PACRG: variants seen among roughly 807,000 people sequenced by gnomAD.
PACRG encodes parkin coregulated gene protein.
A neutral mutation model predicts 29.7 loss-of-function variants in PACRG; 29 were observed. That is an observed-to-expected ratio of 0.98 (90% confidence interval 0.73 to 1.33). The LOEUF is 1.33. Among genes scored for constraint, PACRG ranks in the 40% most tolerant of loss-of-function variants. The pLI is 0.00. For synonymous variants in PACRG, 116 were observed against 118.7 expected (o/e 0.98, Z 0.15); for missense variants, 279 against 316.2 (o/e 0.88, Z 0.89).
At chr6:162,760,874 T>C (rs568687100) in intron 1 of PACRG, among the ~76,000 whole-genome samples, 1 of 152,156 alleles carries the variant, frequency 6.6e-6, no homozygotes, top group African/African-American at 2.4e-5. Context: ...GTTAGGAGGA[T>C]TTTTGCAGTG....
chr6:163,242,102 G>A (rs1010086159), intron 4 of PACRG, among the ~76,000 whole-genome samples: 2 of 152,130 alleles, frequency 1.3e-5, no homozygotes, highest in Non-Finnish European at 2.9e-5. Flanking sequence ...GCTATAATTT[G>A]TTACTGTTTT....
chr6:162,939,114 T>TA (rs1798438815), intron 2 of PACRG, among the ~76,000 whole-genome samples: 1 of 152,200 alleles, frequency 6.6e-6, no homozygotes, highest in Admixed American at 6.5e-5. Flanking sequence ...TCTGAATACT[T>TA]ACAGCCAACT....
chr6:163,253,657 G>A (rs1311749153), intron 4 of PACRG, among the ~76,000 whole-genome samples: 1 of 152,110 alleles, frequency 6.6e-6, no homozygotes, highest in African/African-American at 2.4e-5. Flanking sequence ...CCATCACCTG[G>A]CCCAAAAACT....
chr6:162,855,530 G>C (rs986529501), intron 2 of PACRG, among the ~76,000 whole-genome samples: 1 of 152,134 alleles, frequency 6.6e-6, no homozygotes, highest in African/African-American at 2.4e-5. Flanking sequence ...AAGAAATACA[G>C]AGTGAGGGAC....
chr6:163,142,973 G>A (rs774983723), intron 4 of PACRG, among the ~76,000 whole-genome samples: 2 of 152,192 alleles, frequency 1.3e-5, no homozygotes, highest in Non-Finnish European at 2.9e-5. Context: ...AGAACTAAAT[G>A]CAGGGCTGTA....
chr6:163,157,146 C>T (rs1311038768), intron 4 of PACRG, among the ~76,000 whole-genome samples: 1 of 152,200 alleles, frequency 6.6e-6, no homozygotes, highest in Non-Finnish European at 1.5e-5. Flanking sequence ...CTAACTACTA[C>T]CTGTGGAGTA....
intron 4 of PACRG, chr6:163,179,184 G>A (rs1049588438): frequency 1.1e-5 from 5 of 455,794 alleles, no homozygotes; most frequent in South Asian, 4.6e-5. Flanking sequence ...ACTGATGTCC[G>A]CTGCTCCTCA....
At chr6:163,178,835 C>T (rs1201440114) in intron 4 of PACRG, among the ~76,000 whole-genome samples, 1 of 152,152 alleles carries the variant, frequency 6.6e-6, no homozygotes, top group African/African-American at 2.4e-5. Context: ...TCTGTAGGCA[C>T]TGATGGTCAT....
At chr6:162,964,867 A>G (rs1213886553) in intron 2 of PACRG, among the ~76,000 whole-genome samples, 2 of 152,260 alleles carry the variant, frequency 1.3e-5, no homozygotes, top group Non-Finnish European at 2.9e-5. Flanking sequence ...GGAGGGTGGC[A>G]TCTTTTCAAG....
intron 4 of PACRG, among the ~76,000 whole-genome samples, chr6:163,210,621 G>T (rs1362865243): frequency 6.6e-6 from 1 of 152,170 alleles, no homozygotes. Context: ...GATTAAATTG[G>T]TTAACGCATA....
At chr6:163,292,575 ATTATTTATTTAT>A (rs1554242810) in intron 4 of PACRG, among the ~76,000 whole-genome samples, 1 of 97,886 alleles carries the variant, frequency 1.0e-5, no homozygotes, top group African/African-American at 3.7e-5. Flanking sequence ...TAATTTATGT[ATTATTTATTTAT>A]TTATTTATTT....
chr6:163,135,122 C>T (rs1354190012), intron 4 of PACRG, among the ~76,000 whole-genome samples: 3 of 151,916 alleles, frequency 2.0e-5, no homozygotes, highest in African/African-American at 4.8e-5. Flanking sequence ...TTCTTCAACA[C>T]GCTTTCTTAT....
intron 2 of PACRG, among the ~76,000 whole-genome samples, chr6:162,972,401 TTTC>T (rs1801608764): frequency 6.6e-6 from 1 of 152,156 alleles, no homozygotes; most frequent in Admixed American, 6.5e-5. Flanking sequence ...TTCTGGAATT[TTTC>T]TTCTTTCAGT....
At chr6:163,047,414 C>T (rs1562864463) in intron 2 of PACRG, among the ~76,000 whole-genome samples, 3 of 152,140 alleles carry the variant, frequency 2.0e-5, no homozygotes, top group Non-Finnish European at 4.4e-5. Flanking sequence ...TTAGGAAATT[C>T]CTTTAACTAT....
chr6:163,144,134 C>A (rs1404540881), intron 4 of PACRG, among the ~76,000 whole-genome samples: 1 of 147,812 alleles, frequency 6.8e-6, no homozygotes, highest in Non-Finnish European at 1.5e-5. Context: ...GAGTCTGGGG[C>A]AGGAGAATAG....
chr6:162,948,028 CAGAA>C (rs1226474614), intron 2 of PACRG, among the ~76,000 whole-genome samples: 1 of 151,656 alleles, frequency 6.6e-6, no homozygotes, highest in Non-Finnish European at 1.5e-5. Context: ...TCATTTTTCA[CAGAA>C]AGAAAATATA....
At chr6:163,242,064 G>GAA (rs150725892) in intron 4 of PACRG, among the ~76,000 whole-genome samples, 1 of 151,968 alleles carries the variant, frequency 6.6e-6, no homozygotes, top group African/African-American at 2.4e-5. Flanking sequence ...CTCTTTAAAA[G>GAA]AAAAAAAGAT....
chr6:163,159,961 C>T (rs1778488212), intron 4 of PACRG, among the ~76,000 whole-genome samples: 1 of 152,190 alleles, frequency 6.6e-6, no homozygotes, highest in African/African-American at 2.4e-5. Context: ...CTCTCCTTGC[C>T]AGCCCTGCTC....
At chr6:163,158,769 A>G (rs1034456615) in intron 4 of PACRG, among the ~76,000 whole-genome samples, 3 of 152,218 alleles carry the variant, frequency 2.0e-5, no homozygotes, top group African/African-American at 7.2e-5. Context: ...ACCTCCTCAC[A>G]CTGCAGCAGG....
Sources: allele counts gnomAD v4.1 joint callset (sites outside exome capture counted in the v4.1 genomes callset), GRCh38; gene constraint gnomAD v4.1.1; transcripts MANE v1.5; gene names NCBI Gene and HGNC (gene_info 2026-07-23, HGNC 2026-07-21).